Variants in PSMC2 observed in about 807,000 individuals in gnomAD.
The protein encoded by PSMC2 is 26S proteasome regulatory subunit 7.
A neutral mutation model predicts 53.3 loss-of-function variants in PSMC2; 7 were observed. That is an observed-to-expected ratio of 0.13 (90% CI 0.07 to 0.25). The LOEUF is 0.25. Ranked by LOEUF, PSMC2 falls within the 10% of genes least tolerant of loss-of-function variation. The pLI is 1.00. For synonymous variants in PSMC2, 169 were observed against 183.9 expected, an observed-to-expected ratio of 0.92 and a Z score of 0.66; for missense variants, 241 against 544.0, an observed-to-expected ratio of 0.44 and a Z score of 5.54.
chr7:103,360,038 G>A (rs922490204), intron 4 of PSMC2, among the ~76,000 whole-genome samples: 2 of 150,838 alleles, frequency 1.3e-5, no homozygotes, highest in African/African-American at 2.4e-5. Context: ...TCAAGATCGC[G>A]CCACTGCACT....
rs1820829429 is a variant in PSMC2, at chr7:103,368,304, G to C, written c.*250G>C. On this transcript the variant is annotated 3_prime_UTR_variant, in exon 12 of 12. Transcript: ENST00000292644. The stretch of plus-strand genomic sequence containing the variant: ...ATCATACAAAGCGCTTGCTTAGATG[G>C]CTTCTATCCTAGGCATATGCTGGCC... 2.8e-6 allele frequency: 1 copy of C among 360,312 alleles called. No homozygotes were observed. The highest frequency in any genetic ancestry group is 2.1e-5 in the African/African-American group (1 of 47,396). 22.3% of individuals were successfully genotyped at this position (360,312 alleles called of 1,614,324 possible). A position where few individuals can be genotyped will look rare whatever the true frequency, so the allele number is the denominator to read the frequency against.
intron 6 of PSMC2, 56 bp downstream of exon 6, chr7:103,362,814 G>A: frequency 2.6e-6 from 2 of 761,984 alleles, no homozygotes; most frequent in East Asian, 4.2e-5. Flanking sequence ...TTTTTTTTTT[G>A]AGGCGGAGTT....
At chr7:103,351,168 G>C (rs1013249681) in intron 1 of PSMC2, among the ~76,000 whole-genome samples, 16 of 152,142 alleles carry the variant, frequency 1.1e-4, no homozygotes, top group African/African-American at 3.6e-4. Flanking sequence ...GGATATGCCG[G>C]TGTGTTGGAT....
chr7:103,352,407 CTTT>C (rs781095017), intron 1 of PSMC2, among the ~76,000 whole-genome samples: 9 of 118,706 alleles, frequency 7.6e-5, no homozygotes, highest in African/African-American at 1.6e-4. Context: ...AGATTATAAT[CTTT>C]TTTTTTTTTT....
chr7:103,363,314 G>A (rs779612574), intron 6 of PSMC2, 30 bp from the exon 7 acceptor site: 2 of 1,545,048 alleles, frequency 1.3e-6, no homozygotes, highest in Middle Eastern at 1.7e-4. Flanking sequence ...GCCTGTGACT[G>A]TATGTTGTAC....
At chr7:103,356,059 C>T (rs973374189) in intron 4 of PSMC2, among the ~76,000 whole-genome samples, 4 of 152,134 alleles carry the variant, frequency 2.6e-5, no homozygotes, top group Non-Finnish European at 4.4e-5. Context: ...CTTGCTTTCC[C>T]GTTGCCCTTT....
At chr7:103,356,323 G>A (rs755918000) in intron 4 of PSMC2, among the ~76,000 whole-genome samples, 5 of 152,194 alleles carry the variant, frequency 3.3e-5, no homozygotes, top group East Asian at 3.9e-4. Flanking sequence ...GTGAATATTC[G>A]TGTTAAATGT....
At chr7:103,355,844 C>CT in intron 4 of PSMC2, 51 bp downstream of exon 4, 1 of 1,337,752 alleles carries the variant, frequency 7.5e-7, no homozygotes, top group Non-Finnish European at 1.1e-6. Flanking sequence ...TTTTCAAGCA[C>CT]TTAATGTTAG....
At position 103,367,590 on chromosome 7, in the gene PSMC2, T is replaced by C; in HGVS notation, c.1022T>C (p.Ile341Thr). ...LMRPGRLDRK[I>T]EFSLPDLEGR... Reference sequence around the variant, plus strand: ...AGGCCAGGGAGATTGGATAGAAAAATTGAATTTAGCTTGCCCGATCTAGAG... The same window carrying C: ...AGGCCAGGGAGATTGGATAGAAAAACTGAATTTAGCTTGCCCGATCTAGAG... The change falls in exon 10 of 12, where the codon ATT (isoleucine) becomes ACT (threonine). Residue 341 changes from isoleucine to threonine, a missense_variant. By Grantham distance (89) the Ile-to-Thr change is moderately conservative. This residue lies in a region of PSMC2 where 10 missense variants were observed against 41.0 expected (regional missense o/e 0.24). Transcript: ENST00000292644. This position sits in a 1 kb window ranked among gnomAD's most constrained non-coding sequence, Gnocchi z 6.1. 1.2e-6 allele frequency: 2 copies of C among 1,614,076 alleles called. No homozygotes were observed. Among genetic ancestry groups the C allele is most frequent in the Non-Finnish European group, 1.7e-6 (2 of 1,179,992 alleles).
In PSMC2 at chr7:103,355,679, T is replaced by C; in HGVS notation, c.191-15T>C. On this transcript the variant is annotated splice_polypyrimidine_tract_variant and intron_variant, in intron 3 of 11. Transcript: ENST00000292644. ...CATTACATTTTAGTAAATTTTGTCA[T>C]CTTTCTCTATGTAGGTATTAAAGAA... 1 of 1,596,744 alleles carries C rather than the reference T, an allele frequency of 6.3e-7. No individual in the cohort carries two copies. The highest frequency in any genetic ancestry group is 8.6e-7 in the Non-Finnish European group (1 of 1,164,532).
chr7:103,362,263 TCG>T, intron 5 of PSMC2, 175 bp downstream of exon 5: 2 of 1,417,202 alleles, frequency 1.4e-6, no homozygotes, highest in Non-Finnish European at 1.8e-6. Context: ...TAACTTCCCA[TCG>T]GCTTCGCTGA....
Position 103,363,513 on chromosome 7 carries a change from T to C in PSMC2, c.591+74T>C, listed in dbSNP as rs2116241144. ...TTGTGTATTGAGCACTAAAATTGCT[T>C]GTATATTAGATGGCTTTTAATATTT... On this transcript the variant is annotated intron_variant, in intron 7 of 11. Coordinates refer to ENST00000292644, the MANE Select transcript of PSMC2 (RefSeq NM_002803.4). 2.3e-6 allele frequency: 3 copies of C among 1,302,404 alleles called. No individual in the cohort carries two copies. The South Asian group carries it at 3.6e-5, about 16-fold the overall frequency. The allele number at this position is 1,302,404 out of a possible 1,614,324, so 80.7% of individuals were successfully genotyped here.
chr7:103,366,003 G>GAAGCAT (rs1820700875), intron 8 of PSMC2, 73 bp from the exon 9 acceptor site: 1 of 1,193,270 alleles, frequency 8.4e-7, no homozygotes, highest in African/African-American at 1.6e-5. Flanking sequence ...TGAAAAGTTT[G>GAAGCAT]AAGCATAACT....
rs1433855964 is a variant in PSMC2 at position 103,351,395 on chromosome 7, C to G, written c.71-2526C>G. On this transcript the variant is annotated intron_variant, in intron 1 of 11. Transcript: ENST00000292644. ...TCACACAGGATGTACTTAATTCCCC[C>G]AGCAACAGGTAGTGACAATATGTGT... 2.0e-5 allele frequency among the ~76,000 whole-genome samples: 3 copies of G among 152,306 alleles called. No individual in the cohort carries two copies. In the East Asian group the frequency reaches 5.8e-4, roughly 29 times the overall value.
At chr7:103,353,831 A>G in intron 1 of PSMC2, 90 bp from the exon 2 acceptor site, 1 of 1,103,922 alleles carries the variant, frequency 9.1e-7, no homozygotes, top group East Asian at 2.5e-5. Flanking sequence ...AAACAATTTG[A>G]ATCGAACAGA....
chr7:103,365,048 CA>C (rs1180164223), intron 8 of PSMC2, among the ~76,000 whole-genome samples: 2 of 146,992 alleles, frequency 1.4e-5, no homozygotes, highest in Admixed American at 6.9e-5. Flanking sequence ...CGTATATTTA[CA>C]ATAAGAATTA....
intron 1 of PSMC2, chr7:103,348,588 C>T: frequency 1.0e-6 from 1 of 965,214 alleles, no homozygotes; most frequent in Non-Finnish European, 1.7e-6. Flanking sequence ...CCTCGTTGCA[C>T]TCTGAGACCA....
At chr7:103,356,078 G>A (rs1049205625) in intron 4 of PSMC2, among the ~76,000 whole-genome samples, 4 of 151,720 alleles carry the variant, frequency 2.6e-5, no homozygotes, top group Admixed American at 1.3e-4. Flanking sequence ...TTCCTCAAAC[G>A]TAACTACTGA....
At chr7:103,362,655 G>A (rs536199694) in intron 5 of PSMC2, 31 bp from the exon 6 acceptor site, 1 of 1,554,918 alleles carries the variant, frequency 6.4e-7, no homozygotes, top group African/African-American at 1.4e-5. Flanking sequence ...CTTAAAGAAT[G>A]TATTAATGAC....
Sources: gnomAD v4.1 joint callset for allele counts (sites outside exome capture counted in the v4.1 genomes callset) on GRCh38, gnomAD v4.1.1 for gene constraint, gnomAD v4.1.1 regional missense constraint, Gnocchi (gnomAD v3.1) non-coding constraint, MANE v1.5 for transcripts, NCBI Gene and HGNC (gene_info 2026-07-23, HGNC 2026-07-21) for gene names.